The following MECOM variants were observed in gnomAD, a reference collection of about 807,000 sequenced individuals.
MECOM encodes histone-lysine N-methyltransferase MECOM.
MECOM carries 13 observed loss-of-function variants against 116.3 expected under a neutral mutation model. The observed-to-expected ratio is 0.11, with a 90% CI of 0.07 to 0.18. The LOEUF is 0.18. Ranked by LOEUF, MECOM falls within the 10% of genes least tolerant of loss-of-function variation. The probability of loss-of-function intolerance (pLI) is 1.00; values close to 1 mark genes in which losing one functional copy is unlikely to be tolerated. For missense variants in MECOM, 1,299 were observed against 1,509.0 expected, an observed-to-expected ratio of 0.86 and a Z score of 2.31; for synonymous variants, 528 against 535.2, an observed-to-expected ratio of 0.99 and a Z score of 0.19.
chr3:169,603,876 T>A (rs1424243935), intron 1 of MECOM, among the ~76,000 whole-genome samples: 1 of 152,194 alleles, frequency 6.6e-6, no homozygotes, highest in East Asian at 1.9e-4. Flanking sequence ...TGACTGTGTT[T>A]GCTTATCTCA....
chr3:169,391,625 G>T (rs1734207175), intron 1 of MECOM, among the ~76,000 whole-genome samples: 1 of 152,054 alleles, frequency 6.6e-6, no homozygotes, highest in Non-Finnish European at 1.5e-5. Context: ...AATGTTTGCA[G>T]AAAAATATGA....
chr3:169,463,737 C>G (rs187509727), intron 1 of MECOM, among the ~76,000 whole-genome samples: 30 of 151,980 alleles, frequency 2.0e-4, no homozygotes, highest in Admixed American at 5.9e-4. Flanking sequence ...TTTCATTTCT[C>G]CAATTGCCAT....
chr3:169,128,676 A>T (rs1733691060), intron 4 of MECOM, among the ~76,000 whole-genome samples: 1 of 152,198 alleles, frequency 6.6e-6, no homozygotes, highest in Non-Finnish European at 1.5e-5. Context: ...TAATAATGGG[A>T]CACAGGATGT....
chr3:169,367,414 C>T (rs931789726), intron 2 of MECOM, among the ~76,000 whole-genome samples: 1 of 151,246 alleles, frequency 6.6e-6, no homozygotes, highest in Non-Finnish European at 1.5e-5. Context: ...TAGTTACTGC[C>T]AAGGTGTAAC....
intron 2 of MECOM, among the ~76,000 whole-genome samples, chr3:169,201,882 C>T (rs1749198818): frequency 6.6e-6 from 1 of 152,064 alleles, no homozygotes; most frequent in African/African-American, 2.4e-5. Context: ...AATATTTTTC[C>T]TTCCTACTGG....
At chr3:169,379,148 A>C (rs1731968592) in intron 2 of MECOM, among the ~76,000 whole-genome samples, 1 of 151,676 alleles carries the variant, frequency 6.6e-6, no homozygotes. Context: ...TTAACTAGGT[A>C]AGATTAAAAG....
At chr3:169,127,248 T>C (rs1733168303) in intron 5 of MECOM, among the ~76,000 whole-genome samples, 1 of 152,144 alleles carries the variant, frequency 6.6e-6, no homozygotes, top group Non-Finnish European at 1.5e-5. Context: ...CACTGAAATA[T>C]AATTTTTATT....
At chr3:169,262,204 T>C (rs540481755) in intron 2 of MECOM, among the ~76,000 whole-genome samples, 6 of 152,306 alleles carry the variant, frequency 3.9e-5, no homozygotes, top group African/African-American at 1.2e-4. Flanking sequence ...TGCTAACCAA[T>C]AGCATTTTAA....
chr3:169,297,681 C>T (rs1038235180), intron 2 of MECOM, among the ~76,000 whole-genome samples: 6 of 152,048 alleles, frequency 3.9e-5, no homozygotes, highest in East Asian at 1.9e-4. Flanking sequence ...TCAATGTAAA[C>T]GTCAATGATA....
intron 1 of MECOM, among the ~76,000 whole-genome samples, chr3:169,644,539 G>A (rs1193022188): frequency 2.0e-5 from 3 of 152,090 alleles, no homozygotes. Context: ...TTATAGGGGT[G>A]AGCCACCACA....
At chr3:169,428,852 C>G (rs1214281800) in intron 1 of MECOM, among the ~76,000 whole-genome samples, 1 of 152,004 alleles carries the variant, frequency 6.6e-6, no homozygotes, top group African/African-American at 2.4e-5. Context: ...ACCCTGACAT[C>G]ACCTGGAAGT....
chr3:169,158,049 C>A (rs1742270192), intron 2 of MECOM, among the ~76,000 whole-genome samples: 1 of 150,334 alleles, frequency 6.7e-6, no homozygotes, highest in South Asian at 2.1e-4. Context: ...GTGCCTTATA[C>A]AATTTTATAT....
intron 1 of MECOM, among the ~76,000 whole-genome samples, chr3:169,505,442 T>C (rs1317531438): frequency 6.6e-6 from 1 of 152,176 alleles, no homozygotes; most frequent in South Asian, 2.1e-4. Flanking sequence ...AGAAACTGTA[T>C]ATATTTGAGG....
chr3:169,383,327 C>T (rs1732787927), intron 1 of MECOM, among the ~76,000 whole-genome samples: 1 of 152,156 alleles, frequency 6.6e-6, no homozygotes, highest in African/African-American at 2.4e-5. Context: ...CATACAAGCT[C>T]ATTATCATTC....
intron 1 of MECOM, among the ~76,000 whole-genome samples, chr3:169,598,270 G>C (rs1767377636): frequency 6.6e-6 from 1 of 152,096 alleles, no homozygotes; most frequent in African/African-American, 2.4e-5. Context: ...TTAAAACCAG[G>C]TGCCAATTTT....
intron 2 of MECOM, among the ~76,000 whole-genome samples, chr3:169,153,061 G>T (rs1741410414): frequency 6.6e-6 from 1 of 152,090 alleles, no homozygotes; most frequent in African/African-American, 2.4e-5. Context: ...GGACTATTTT[G>T]ATGTGTTTCA....
chr3:169,110,535 T>C (rs1358103529), intron 9 of MECOM, among the ~76,000 whole-genome samples: 3 of 152,082 alleles, frequency 2.0e-5, no homozygotes, highest in Admixed American at 6.6e-5. Context: ...ATAAAAACAA[T>C]GAAATATTTC....
At chr3:169,112,722 G>T (rs1727830143) in intron 9 of MECOM, 65 bp downstream of exon 9, 8 of 1,212,348 alleles carry the variant, frequency 6.6e-6, no homozygotes, top group Non-Finnish European at 9.7e-6. Flanking sequence ...TCATTTCATT[G>T]CACCTGCTTT....
chr3:169,106,290 A>G (rs1388194698), intron 10 of MECOM, among the ~76,000 whole-genome samples: 1 of 152,096 alleles, frequency 6.6e-6, no homozygotes, highest in African/African-American at 2.4e-5. Flanking sequence ...TTATGAAATC[A>G]CTTAGTTTTT....
Sources: allele counts gnomAD v4.1 joint callset (sites outside exome capture counted in the v4.1 genomes callset), GRCh38; gene constraint gnomAD v4.1.1; transcripts MANE v1.5; gene names NCBI Gene and HGNC (gene_info 2026-07-23, HGNC 2026-07-21).